The following RDH12 variants were observed in gnomAD, a reference collection of about 807,000 sequenced individuals.
RDH12 encodes retinol dehydrogenase 12.
Under a neutral mutation model 34.0 loss-of-function variants are expected in RDH12, and 21 were observed. The ratio of observed to expected loss-of-function variants is 0.62; its 90% CI spans 0.44 to 0.89. The LOEUF (loss-of-function observed/expected upper bound fraction) is 0.89, where lower values mean the gene tolerates loss of function less well. Among genes scored for constraint, RDH12 ranks in the 40% least tolerant of loss-of-function variants. RDH12 has a pLI of 0.00. For synonymous variants in RDH12, 198 were observed against 169.9 expected (o/e 1.17, Z -1.29); for missense variants, 394 against 398.6 (o/e 0.99, Z 0.10).
chr14:67,705,944 T>C (rs1042718980), intron 1 of RDH12: 2 of 152,192 alleles, frequency 1.3e-5, no homozygotes, highest in Non-Finnish European at 2.9e-5. Flanking sequence ...AGCAGTTAAT[T>C]AGTAAAGATA....
chr14:67,730,998 T>G (rs2038263922), intron 8 of RDH12, among the ~76,000 whole-genome samples: 1 of 152,188 alleles, frequency 6.6e-6, no homozygotes, highest in African/African-American at 2.4e-5. Context: ...AAAAGATATC[T>G]CATTTTTTAT....
In RDH12 at chr14:67,722,562, G is replaced by C; in HGVS notation, c.-81G>C. 1 of 1,202,526 alleles carries C rather than the reference G, an allele frequency of 8.3e-7. No homozygotes were observed. The highest frequency in any genetic ancestry group is 1.2e-6 in the Non-Finnish European group (1 of 804,584). The allele number at this position is 1,202,526 out of a possible 1,614,324, so 74.5% of individuals were successfully genotyped here. A position where few individuals can be genotyped will look rare whatever the true frequency, so the allele number is the denominator to read the frequency against. ...GCAGCAGAAGCAGCCAAGAGCTGGAGCCAGACCAGGAACCTGAGCCAGAGC... is the reference window on the plus strand; with the variant it reads ...GCAGCAGAAGCAGCCAAGAGCTGGACCCAGACCAGGAACCTGAGCCAGAGC... On this transcript the variant is annotated 5_prime_UTR_variant, in exon 3 of 9. Coordinates refer to ENST00000551171, the MANE Select transcript of RDH12 (RefSeq NM_152443.3).
chr14:67,706,617 G>GGCAATCAGATACGCATTTGTT (rs1448857352), intron 1 of RDH12, among the ~76,000 whole-genome samples: 29 of 152,210 alleles, frequency 1.9e-4, no homozygotes, highest in Admixed American at 1.6e-3. Context: ...TTTCAAAGGA[G>GGCAATCAGATACGCATTTGTT]GCAATCAGAT....
chr14:67,733,960 C>A lies in RDH12; in HGVS notation c.*112C>A. 1 of 742,846 alleles carries A rather than the reference C, an allele frequency of 1.3e-6. No individual in the cohort carries two copies. Among genetic ancestry groups the A allele is most frequent in the Non-Finnish European group, 2.4e-6 (1 of 422,438 alleles). 46.0% of individuals were successfully genotyped at this position (742,846 alleles called of 1,614,324 possible). Reference sequence around the variant, plus strand: ...CTCTTGGCCAGCTGGTGCTGCGAATCCTGCCTGCTCTGATCCTCTTGACCC... The same window carrying A: ...CTCTTGGCCAGCTGGTGCTGCGAATACTGCCTGCTCTGATCCTCTTGACCC... On this transcript the variant is annotated 3_prime_UTR_variant, in exon 9 of 9. Coordinates refer to ENST00000551171, the MANE Select transcript of RDH12 (RefSeq NM_152443.3).
chr14:67,723,523 C>G (rs1030166266), intron 3 of RDH12, among the ~76,000 whole-genome samples: 36 of 152,314 alleles, frequency 2.4e-4, no homozygotes, highest in African/African-American at 8.2e-4. Context: ...GCATGAGCCA[C>G]TGGGCTCAGC....
At chr14:67,722,822 A>G (rs1010718135) in intron 3 of RDH12, 112 bp downstream of exon 3, 1 of 945,272 alleles carries the variant, frequency 1.1e-6, no homozygotes, top group Non-Finnish European at 1.7e-6. Context: ...GGAGAAAGTC[A>G]GGGCAGGAAA....
At chr14:67,705,948 A>G (rs1396823033) in intron 1 of RDH12, 2 of 152,244 alleles carry the variant, frequency 1.3e-5, no homozygotes, top group Non-Finnish European at 2.9e-5. Flanking sequence ...GTTAATTAGT[A>G]AAGATATCAG....
intron 3 of RDH12, among the ~76,000 whole-genome samples, chr14:67,723,223 T>A (rs2038145711): frequency 6.6e-6 from 1 of 152,170 alleles, no homozygotes; most frequent in Non-Finnish European, 1.5e-5. Context: ...TAAAAGTGTG[T>A]TCTGAGTGGA....
chr14:67,719,523 G>A (rs1346384518), intron 1 of RDH12, among the ~76,000 whole-genome samples: 1 of 152,102 alleles, frequency 6.6e-6, no homozygotes, highest in East Asian at 1.9e-4. Context: ...TGCCCAGGCT[G>A]GAGTGTAGTG....
chr14:67,719,054 A>G (rs2038096503), intron 1 of RDH12, among the ~76,000 whole-genome samples: 2 of 152,340 alleles, frequency 1.3e-5, no homozygotes, highest in African/African-American at 4.8e-5. Context: ...CATCTGTTAC[A>G]AGTTGGAATG....
chr14:67,725,067 A>G, intron 4 of RDH12, 32 bp from the exon 5 acceptor site: 1 of 1,613,580 alleles, frequency 6.2e-7, no homozygotes, highest in Non-Finnish European at 8.5e-7. Flanking sequence ...CTAGGATATG[A>G]ACATACTGCT....
chr14:67,716,245 AGTCAAACC>A (rs1566842681), intron 1 of RDH12, among the ~76,000 whole-genome samples: 3 of 151,988 alleles, frequency 2.0e-5, no homozygotes, highest in Admixed American at 1.3e-4. Context: ...CTAAGTTATA[AGTCAAACC>A]GCTGTGACTG....
At chr14:67,724,990 G>C in intron 4 of RDH12, 109 bp from the exon 5 acceptor site, 1 of 1,255,884 alleles carries the variant, frequency 8.0e-7, no homozygotes, top group Non-Finnish European at 1.2e-6. Context: ...TACCGTTGAA[G>C]GATGGCTGGG....
chr14:67,724,941 T>C (rs572878312), intron 4 of RDH12, among the ~76,000 whole-genome samples, 158 bp from the exon 5 acceptor site: 1 of 152,320 alleles, frequency 6.6e-6, no homozygotes, highest in Admixed American at 6.5e-5. Flanking sequence ...GACTGAACAG[T>C]ACTACTGTGA....
Position 67,726,988 on chromosome 14 carries a change from C to T in RDH12, c.456C>T (p.Phe152=), listed in dbSNP as rs1191351202. The part of the protein sequence containing the change: ...THLGVNHLGH[F]LLTYLLLERL... ...TGCTGGCTCTCCTCACAGGCCACTT[C>T]CTCCTCACCTACCTGCTCCTGGAGC... The change falls in exon 7 of 9, where the codon TTC becomes TTT. Residue 152 remains phenylalanine, a synonymous_variant. Transcript: ENST00000551171. The T allele has an allele frequency of 3.7e-6, 6 of 1,612,444 alleles. No homozygotes were observed. The African/African-American group carries it at 8.0e-5, about 22-fold the overall frequency.
intron 1 of RDH12, chr14:67,705,952 A>G (rs187561129): frequency 4.6e-5 from 7 of 152,362 alleles, no homozygotes; most frequent in African/African-American, 1.2e-4. Flanking sequence ...ATTAGTAAAG[A>G]TATCAGGTGC....
At chr14:67,732,584 T>C (rs1873978267) in intron 8 of RDH12, among the ~76,000 whole-genome samples, 1 of 151,836 alleles carries the variant, frequency 6.6e-6, no homozygotes, top group Admixed American at 6.6e-5. Flanking sequence ...GATAGACTTT[T>C]CTTTTTTTTG....
At chr14:67,726,568 G>A (rs1273901730) in intron 6 of RDH12, among the ~76,000 whole-genome samples, 1 of 152,128 alleles carries the variant, frequency 6.6e-6, no homozygotes, top group Admixed American at 6.5e-5. Flanking sequence ...GGCAGGGTGG[G>A]GTTCAGCGTT....
chr14:67,724,430 C>A, intron 3 of RDH12, 43 bp from the exon 4 acceptor site: 1 of 1,161,088 alleles, frequency 8.6e-7, no homozygotes, highest in Non-Finnish European at 1.3e-6. Context: ...AGTGTGAGCT[C>A]GTGAAGGATG....
Sources: gnomAD v4.1 joint callset for allele counts (sites outside exome capture counted in the v4.1 genomes callset) on GRCh38, gnomAD v4.1.1 for gene constraint, MANE v1.5 for transcripts, NCBI Gene and HGNC (gene_info 2026-07-23, HGNC 2026-07-21) for gene names.